SEMA3D: variants seen among roughly 807,000 people sequenced by gnomAD.
SEMA3D encodes semaphorin 3D.
Under a neutral mutation model 100.1 loss-of-function variants are expected in SEMA3D, and 84 were observed. The observed-to-expected ratio is 0.84, with a 90% CI of 0.70 to 1.01. The LOEUF (loss-of-function observed/expected upper bound fraction) is 1.01, where lower values mean the gene tolerates loss of function less well. Among genes scored for constraint, SEMA3D ranks in the 50% least tolerant of loss-of-function variants. The probability of loss-of-function intolerance (pLI) is 0.00; values close to 1 mark genes in which losing one functional copy is unlikely to be tolerated. For synonymous variants in SEMA3D, 312 were observed against 320.7 expected (o/e 0.97, Z 0.29); for missense variants, 875 against 934.1 (o/e 0.94, Z 0.82).
At chr7:85,244,858 C>G in the SEMA3D span, among the ~76,000 whole-genome samples, 5 of 151,746 alleles carry the variant, frequency 3.3e-5, no homozygotes, top group Non-Finnish European at 7.4e-5. Context: ...CTATAGGCAC[C>G]CACCACCACT....
At chr7:85,192,415 AAAAAT>A in the SEMA3D span, among the ~76,000 whole-genome samples, 243 of 152,176 alleles carry the variant, frequency 1.6e-3, 1 homozygote, top group African/African-American at 5.6e-3. Context: ...TAAGCGACTT[AAAAAT>A]AAAATATTTA....
At chr7:85,168,878 A>AAAGG (rs1562843194) in intron 1 of SEMA3D, among the ~76,000 whole-genome samples, 1 of 138,074 alleles carries the variant, frequency 7.2e-6, no homozygotes, top group Non-Finnish European at 1.6e-5. Context: ...AGAAAGAAAG[A>AAAGG]AAAGAAAGAA....
At chr7:85,028,584 G>A (rs557746888) in intron 12 of SEMA3D, 17 of 256,962 alleles carry the variant, frequency 6.6e-5, no homozygotes, top group Middle Eastern at 1.4e-3. Flanking sequence ...ACACATGGAA[G>A]GACACCGTGA....
chr7:85,193,782 C>T, the SEMA3D span, among the ~76,000 whole-genome samples: 1 of 151,942 alleles, frequency 6.6e-6, no homozygotes. Context: ...CTTACCACTA[C>T]ATTGCTAAAA....
intron 14 of SEMA3D, 36 bp downstream of exon 14, chr7:85,020,197 A>G (rs1472469611): frequency 7.0e-7 from 1 of 1,425,162 alleles, no homozygotes; most frequent in South Asian, 1.2e-5. Flanking sequence ...CTCAGTTTCA[A>G]CATCTTTTCT....
rs775306059 is a variant in SEMA3D, at chr7:85,006,784, T to C, written c.1908+18A>G. 3.2e-6 allele frequency: 5 copies of C among 1,563,288 alleles called. No individual in the cohort carries two copies. Among genetic ancestry groups the C allele is most frequent in the African/African-American group, 2.7e-5 (2 of 73,134 alleles). ...CTATTTCCCTCAAAGTGAGTATTCT[T>C]TGATGACAACAGCTTACCTCCTCTC... On this transcript the variant is annotated intron_variant, in intron 18 of 18. Coordinates refer to ENST00000284136, the MANE Select transcript of SEMA3D (RefSeq NM_001384900.1).
At chr7:85,067,281 T>C (rs775239875) in intron 7 of SEMA3D, among the ~76,000 whole-genome samples, 2 of 152,168 alleles carry the variant, frequency 1.3e-5, no homozygotes, top group African/African-American at 4.8e-5. Context: ...CGCCAATCTA[T>C]TGTTTTGTTT....
chr7:85,239,109 C>A, the SEMA3D span, among the ~76,000 whole-genome samples: 1 of 152,220 alleles, frequency 6.6e-6, no homozygotes, highest in Middle Eastern at 3.4e-3. Flanking sequence ...TATTTCAGTG[C>A]TTCTCAAATG....
chr7:85,151,361 C>T (rs1790379572), intron 2 of SEMA3D, among the ~76,000 whole-genome samples: 1 of 151,848 alleles, frequency 6.6e-6, no homozygotes, highest in Non-Finnish European at 1.5e-5. Context: ...CAAGTTTATA[C>T]ATGTATAGAA....
rs559372372 is a variant in SEMA3D at position 85,166,713 on chromosome 7, AT to A, written c.-172-12975del. On this transcript the variant is annotated intron_variant, in intron 1 of 18. Transcript: ENST00000284136. The stretch of plus-strand genomic sequence containing the variant: ...ACTAGGTTCACAGGACCTTCTCTGT[AT>A]TGCATTAGAGATGACTGATGTGTAA... Among the ~76,000 whole-genome samples the A allele has an allele frequency of 2.2e-3, 331 of 152,104 alleles. 2 individuals are homozygous for A. Among genetic ancestry groups the A allele is most frequent in the African/African-American group, 7.7e-3 (319 of 41,550 alleles).
intron 1 of SEMA3D, among the ~76,000 whole-genome samples, chr7:85,166,756 C>T (rs1187982682): frequency 6.6e-6 from 1 of 151,618 alleles, no homozygotes; most frequent in African/African-American, 2.4e-5. Context: ...AATTACTAGC[C>T]GTATGGTGCT....
At chr7:85,227,090 G>A in the SEMA3D span, among the ~76,000 whole-genome samples, 24,087 of 152,010 alleles carry the variant, frequency 0.16, 4,469 homozygotes, top group African/African-American at 0.45. Flanking sequence ...GACTCTTTTT[G>A]TCCTTTGTAT....
intron 9 of SEMA3D, among the ~76,000 whole-genome samples, chr7:85,054,342 C>A (rs1227288858): frequency 6.6e-6 from 1 of 151,822 alleles, no homozygotes. Context: ...AATGTCAATC[C>A]ACAACACAGC....
intron 1 of SEMA3D, chr7:85,159,783 A>C (rs1790694168): frequency 2.1e-6 from 2 of 955,550 alleles, no homozygotes; most frequent in Non-Finnish European, 2.5e-6. Flanking sequence ...AGAGCTATTC[A>C]CTTTGACAGC....
At chr7:85,113,459 G>A (rs1789150959) in intron 3 of SEMA3D, among the ~76,000 whole-genome samples, 1 of 151,804 alleles carries the variant, frequency 6.6e-6, no homozygotes, top group Non-Finnish European at 1.5e-5. Context: ...CTCTATTGTT[G>A]TTTAAGAAAT....
chr7:85,191,454 C>T (rs888281990), upstream of SEMA3D, among the ~76,000 whole-genome samples: 1 of 152,110 alleles, frequency 6.6e-6, no homozygotes, highest in Non-Finnish European at 1.5e-5. Context: ...TCTACCCTTA[C>T]AGCATGTTTT....
Position 85,126,020 on chromosome 7 carries a change from C to G in SEMA3D, c.-40-4089G>C, listed in dbSNP as rs79849435. The stretch of plus-strand genomic sequence containing the variant: ...CTCTTGGGAATCTTCAGATGTGGAG[C>G]CAATAGGGAGTTTTCTGATTATGAG... On this transcript the variant is annotated intron_variant, in intron 2 of 18. Transcript: ENST00000284136. 6.3e-3 allele frequency among the ~76,000 whole-genome samples: 964 copies of G among 152,040 alleles called. 16 individuals are homozygous for G. The highest frequency in any genetic ancestry group is 0.022 in the African/African-American group (906 of 41,468).
At chr7:85,182,610 G>A (rs761121959) in intron 1 of SEMA3D, among the ~76,000 whole-genome samples, 1 of 152,110 alleles carries the variant, frequency 6.6e-6, no homozygotes, top group South Asian at 2.1e-4. Flanking sequence ...TAGACTATTA[G>A]CTTGACAGGT....
At chr7:85,084,594 T>C (rs1026405491) in intron 4 of SEMA3D, among the ~76,000 whole-genome samples, 2 of 151,326 alleles carry the variant, frequency 1.3e-5, no homozygotes, top group Non-Finnish European at 1.5e-5. Flanking sequence ...TAATATTTTC[T>C]TTTTTTTTCC....
Sources: gnomAD v4.1 joint callset for allele counts (sites outside exome capture counted in the v4.1 genomes callset) on GRCh38, gnomAD v4.1.1 for gene constraint, MANE v1.5 for transcripts, NCBI Gene and HGNC (gene_info 2026-07-23, HGNC 2026-07-21) for gene names.